The following CHD9 variants were observed in gnomAD, a reference collection of about 807,000 sequenced individuals.
CHD9 encodes chromodomain helicase DNA binding protein 9.
Under a neutral mutation model 316.1 loss-of-function variants are expected in CHD9, and 77 were observed. The observed-to-expected ratio is 0.24, with a 90% CI of 0.20 to 0.29. The LOEUF (loss-of-function observed/expected upper bound fraction) is 0.29. Among genes scored for constraint, CHD9 ranks in the 10% least tolerant of loss-of-function variants. CHD9 has a pLI of 1.00. For missense variants in CHD9, 2,763 were observed against 3,438.1 expected (o/e 0.80, Z 4.91); for synonymous variants, 1,129 against 1,158.3 (o/e 0.97, Z 0.51).
intron 30 of CHD9, 49 bp downstream of exon 30, chr16:53,297,207 C>G (rs368802298): frequency 4.1e-5 from 58 of 1,403,488 alleles, no homozygotes; most frequent in Non-Finnish European, 5.7e-5. Context: ...AAGCAAAAAT[C>G]ACTAAAATTC....
intron 1 of CHD9, among the ~76,000 whole-genome samples, chr16:53,129,300 A>G (rs2039108950): frequency 6.6e-6 from 1 of 152,226 alleles, no homozygotes; most frequent in African/African-American, 2.4e-5. Flanking sequence ...ATTTGACTCA[A>G]CAAGTTGAAT....
In CHD9 at chr16:53,224,637, T is replaced by C. The variant is rs544595645; in HGVS notation, c.1897-1729T>C. Among the ~76,000 whole-genome samples the C allele has an allele frequency of 2.0e-5, 3 of 152,300 alleles. 1 individual carries two copies. Among genetic ancestry groups the C allele is most frequent in the Admixed American group, 2.0e-4 (3 of 15,300 alleles). On this transcript the variant is annotated intron_variant, in intron 4 of 38. Coordinates refer to ENST00000447540, the MANE Select transcript of CHD9 (RefSeq NM_001308319.2). ...TGTCTTAAGTGGCCAGAAAGGAAAC[T>C]AATGCTGAAAACTTCTAACAGAATT... is the stretch of plus-strand genomic sequence containing the variant.
At chr16:53,110,329 T>C (rs2037765133) in intron 1 of CHD9, among the ~76,000 whole-genome samples, 1 of 152,232 alleles carries the variant, frequency 6.6e-6, no homozygotes, top group Non-Finnish European at 1.5e-5. Context: ...CAGTGCCTCA[T>C]GCCTGTAATG....
At chr16:53,255,812 G>C in intron 19 of CHD9, 33 bp downstream of exon 19, 1 of 1,585,014 alleles carries the variant, frequency 6.3e-7, no homozygotes, top group Non-Finnish European at 8.7e-7. Flanking sequence ...TAACATAGCA[G>C]TGATGTTCAC....
At position 53,321,641 on chromosome 16, in the gene CHD9, T is replaced by A. The variant is rs777329518; in HGVS notation, c.7818+11T>A. 6 of 1,387,344 alleles carry A rather than the reference T, an allele frequency of 4.3e-6. No individual in the cohort carries two copies. Among genetic ancestry groups the A allele is most frequent in the Non-Finnish European group, 5.9e-6 (6 of 1,014,894 alleles). The allele number at this position is 1,387,344 out of a possible 1,614,324, so 85.9% of individuals were successfully genotyped here. On this transcript the variant is annotated intron_variant, in intron 38 of 38. Transcript: ENST00000447540. The stretch of plus-strand genomic sequence containing the variant: ...GTTGTTAAGCAATCTGTGAGTATTT[T>A]ACGAATACTAACTCATACATTATTT...
At chr16:53,084,628 A>G (rs923397880) in intron 1 of CHD9, among the ~76,000 whole-genome samples, 19 of 152,214 alleles carry the variant, frequency 1.2e-4, no homozygotes, top group African/African-American at 4.1e-4. Context: ...CTGTAGTCCC[A>G]GCTACTTGGG....
intron 2 of CHD9, chr16:53,168,474 A>G (rs1305943349): frequency 2.0e-5 from 3 of 152,174 alleles, no homozygotes; most frequent in Admixed American, 2.0e-4. Context: ...CATGGAATTT[A>G]CAGATTTGAG....
intron 31 of CHD9, 58 bp downstream of exon 31, chr16:53,304,683 CTTTTCTTTTCTTTTTTT>C: frequency 9.5e-7 from 1 of 1,052,216 alleles, no homozygotes. Flanking sequence ...CTTTTCTTTT[CTTTTCTTTTCTTTTTTT>C]TTTTTTTTTT....
At chr16:53,136,108 C>A (rs1260751550) in intron 1 of CHD9, among the ~76,000 whole-genome samples, 1 of 152,110 alleles carries the variant, frequency 6.6e-6, no homozygotes, top group African/African-American at 2.4e-5. Flanking sequence ...TCAGTCATTA[C>A]TAGCTATTAT....
chr16:53,089,624 A>G (rs2035765043), intron 1 of CHD9, among the ~76,000 whole-genome samples: 1 of 152,224 alleles, frequency 6.6e-6, no homozygotes, highest in Admixed American at 6.5e-5. Flanking sequence ...AGAGTCACAC[A>G]GAGACACAAC....
chr16:53,120,055 A>G (rs1183834933), intron 1 of CHD9, among the ~76,000 whole-genome samples: 1 of 146,020 alleles, frequency 6.8e-6, no homozygotes, highest in East Asian at 2.1e-4. Flanking sequence ...GGAAGACCCC[A>G]TCTCCACAAA....
chr16:53,142,478 G>T (rs2040197195), intron 1 of CHD9, among the ~76,000 whole-genome samples: 1 of 152,124 alleles, frequency 6.6e-6, no homozygotes, highest in African/African-American at 2.4e-5. Flanking sequence ...ACAGACTGAG[G>T]TTTGTTTGTT....
At chr16:53,215,165 C>G (rs1229482219) in intron 3 of CHD9, among the ~76,000 whole-genome samples, 1 of 152,182 alleles carries the variant, frequency 6.6e-6, no homozygotes, top group African/African-American at 2.4e-5. Flanking sequence ...ATCCGCCTGC[C>G]TCGGCCTCCC....
intron 24 of CHD9, among the ~76,000 whole-genome samples, chr16:53,274,583 G>A (rs1400278415): frequency 3.9e-5 from 6 of 152,130 alleles, no homozygotes; most frequent in African/African-American, 1.4e-4. Context: ...AGCCTCCCGA[G>A]TAGCTGGGAT....
intron 3 of CHD9, among the ~76,000 whole-genome samples, chr16:53,216,674 A>C (rs1392951639): frequency 6.6e-6 from 1 of 152,170 alleles, no homozygotes; most frequent in East Asian, 1.9e-4. Context: ...AGTGTTCTAT[A>C]AATATAAAAT....
chr16:53,293,849 G>A (rs1160860847), intron 29 of CHD9, among the ~76,000 whole-genome samples: 3 of 152,042 alleles, frequency 2.0e-5, no homozygotes, highest in African/African-American at 7.2e-5. Flanking sequence ...TTGGGAGGCT[G>A]AGGCATGAGA....
In CHD9 at chr16:53,136,556, T is replaced by TAA. The variant is rs35318410; in HGVS notation, c.-164-19355_-164-19354dup. On this transcript the variant is annotated intron_variant, in intron 1 of 38. Transcript: ENST00000447540. ...ATTTAAGGAACTGAGTACCTTTTCC[T>TAA]AAAAAAAAAAAAAAAATCTAGGAAT... 7.1e-3 allele frequency among the ~76,000 whole-genome samples: 1,001 copies of TAA among 141,444 alleles called. 12 individuals are homozygous for TAA. The highest frequency in any genetic ancestry group is 0.023 in the African/African-American group (873 of 38,448). 92.8% of individuals were successfully genotyped at this position (141,444 alleles called of 152,430 possible). A position where few individuals can be genotyped will look rare whatever the true frequency, so the allele number is the denominator to read the frequency against.
chr16:53,077,429 T>C (rs2034633484), intron 1 of CHD9, among the ~76,000 whole-genome samples: 1 of 152,092 alleles, frequency 6.6e-6, no homozygotes, highest in African/African-American at 2.4e-5. Context: ...GTTCATGCCA[T>C]TCTCCCACCT....
intron 36 of CHD9, among the ~76,000 whole-genome samples, chr16:53,317,722 A>C (rs1023435690): frequency 6.6e-6 from 1 of 152,164 alleles, no homozygotes; most frequent in East Asian, 1.9e-4. Flanking sequence ...TTTTTTAATG[A>C]ATAGTTTGAA....
Sources: allele counts gnomAD v4.1 joint callset (sites outside exome capture counted in the v4.1 genomes callset), GRCh38; gene constraint gnomAD v4.1.1; transcripts MANE v1.5; gene names NCBI Gene and HGNC (gene_info 2026-07-23, HGNC 2026-07-21).